Variants in CELF2 observed in about 807,000 individuals in gnomAD.
CELF2 encodes the protein CUGBP Elav-like family member 2, also known as CUG triplet repeat RNA-binding protein 2.
In CELF2, 8 loss-of-function variants were observed where a neutral mutation model predicts 62.6. The observed-to-expected ratio is 0.13, with a 90% confidence interval of 0.07 to 0.23. The LOEUF is 0.23. Ranked by LOEUF, CELF2 falls within the 10% of genes least tolerant of loss-of-function variation. CELF2 has a pLI of 1.00. For missense variants in CELF2, 333 were observed against 671.0 expected (o/e 0.50, Z 5.56); for synonymous variants, 258 against 250.0 (o/e 1.03, Z -0.30).
At chr10:10,653,572 A>C in the CELF2 span, among the ~76,000 whole-genome samples, 1 of 130,446 alleles carries the variant, frequency 7.7e-6, no homozygotes, top group East Asian at 2.0e-4. Context: ...CTCACTCAAA[A>C]CCGCTCAACT....
At position 11,165,107 on chromosome 10, in the gene CELF2, C is replaced by T. The variant is rs968950989; in HGVS notation, c.75-379C>T. Reference sequence around the variant, plus strand: ...GACATCTAGCTCTGCCTTTCTTTCCCAGCCACAGCCAGGGTAGGGCTGATA... The same window carrying T: ...GACATCTAGCTCTGCCTTTCTTTCCTAGCCACAGCCAGGGTAGGGCTGATA... On this transcript the variant is annotated intron_variant, in intron 1 of 12. Coordinates refer to ENST00000633077, the MANE Select transcript of CELF2 (RefSeq NM_001326342.2). This position sits in a 1 kb window ranked among gnomAD's most constrained non-coding sequence, Gnocchi z 7.4. The T allele has an allele frequency of 9.9e-7, 1 of 1,005,510 alleles. No individual in the cohort carries two copies. The highest frequency in any genetic ancestry group is 1.2e-6 in the Non-Finnish European group (1 of 842,358). 62.3% of individuals were successfully genotyped at this position (1,005,510 alleles called of 1,614,324 possible).
chr10:10,552,804 C>T, the CELF2 span, among the ~76,000 whole-genome samples: 1 of 152,176 alleles, frequency 6.6e-6, no homozygotes, highest in Non-Finnish European at 1.5e-5. Context: ...TTAACTTCGG[C>T]TGCTATAACA....
At chr10:10,476,173 T>G in the CELF2 span, among the ~76,000 whole-genome samples, 1 of 152,016 alleles carries the variant, frequency 6.6e-6, no homozygotes, top group East Asian at 1.9e-4. Context: ...CGTGTTTCAG[T>G]GTAATGCCAT....
intron 1 of CELF2, among the ~76,000 whole-genome samples, chr10:11,102,559 C>G (rs1234221329): frequency 1.3e-5 from 2 of 152,124 alleles, no homozygotes; most frequent in African/African-American, 4.8e-5. Context: ...TGTGATTTGT[C>G]CTTGAAACTC....
the CELF2 span, among the ~76,000 whole-genome samples, chr10:10,723,607 AT>A: frequency 3.9e-5 from 6 of 152,010 alleles, no homozygotes; most frequent in African/African-American, 1.4e-4. Context: ...ACAGTTCCTC[AT>A]TTTTTTTAAA....
intron 1 of CELF2, among the ~76,000 whole-genome samples, chr10:10,848,891 C>T (rs1383251926): frequency 1.3e-5 from 2 of 152,092 alleles, no homozygotes; most frequent in African/African-American, 2.4e-5. Context: ...GAAGGAACAC[C>T]TCCCTTCTAA....
intron 1 of CELF2, among the ~76,000 whole-genome samples, chr10:11,090,429 C>T (rs1311405374): frequency 3.3e-5 from 5 of 151,822 alleles, no homozygotes; most frequent in Admixed American, 6.6e-5. Context: ...TCTTTCCCTC[C>T]TCCCAATTAA....
chr10:11,064,883 A>G (rs1445666567), intron 1 of CELF2, among the ~76,000 whole-genome samples: 1 of 152,212 alleles, frequency 6.6e-6, no homozygotes, highest in Non-Finnish European at 1.5e-5. Flanking sequence ...GAATCATCTA[A>G]CATTAGACCA....
the CELF2 span, among the ~76,000 whole-genome samples, chr10:10,469,569 T>C: frequency 6.6e-6 from 1 of 151,896 alleles, no homozygotes; most frequent in Non-Finnish European, 1.5e-5. Flanking sequence ...TATTAAGAAT[T>C]TGGTGTCTTT....
chr10:10,481,539 C>G, the CELF2 span, among the ~76,000 whole-genome samples: 72 of 152,260 alleles, frequency 4.7e-4, no homozygotes, highest in South Asian at 0.013. Context: ...CTCCATTTCC[C>G]CCTTGAAGCT....
At chr10:10,958,098 G>A (rs75338435) in intron 2 of CELF2, among the ~76,000 whole-genome samples, 25 of 152,292 alleles carry the variant, frequency 1.6e-4, no homozygotes, top group Non-Finnish European at 2.6e-4. Context: ...GACTAAAAGC[G>A]TGTATTGGTC....
the CELF2 span, among the ~76,000 whole-genome samples, chr10:10,511,891 C>A: frequency 7.2e-5 from 11 of 152,176 alleles, no homozygotes; most frequent in African/African-American, 2.7e-4. Context: ...CATAGTCCCC[C>A]TTTTCAAATT....
At chr10:11,313,242 T>G (rs571097719) in intron 9 of CELF2, among the ~76,000 whole-genome samples, 1 of 152,314 alleles carries the variant, frequency 6.6e-6, no homozygotes, top group Non-Finnish European at 1.5e-5. Flanking sequence ...AATTTCCAAA[T>G]CTATGCAAGT....
chr10:11,154,208 G>T lies in CELF2; in HGVS notation c.75-11278G>T, dbSNP rs186729744. 5.3e-5 allele frequency among the ~76,000 whole-genome samples: 8 copies of T among 152,328 alleles called. No homozygotes were observed. The East Asian group carries it at 1.2e-3, about 22-fold the overall frequency. ...TTTGTTTAGGGGGTTATATCTGATG[G>T]TGTGTGTTTTAAGAAATAAGCAAAT... On this transcript the variant is annotated intron_variant, in intron 1 of 12. Coordinates refer to ENST00000633077, the MANE Select transcript of CELF2 (RefSeq NM_001326342.2).
intron 1 of CELF2, among the ~76,000 whole-genome samples, chr10:10,903,489 G>C (rs2063097709): frequency 6.6e-6 from 1 of 152,142 alleles, no homozygotes; most frequent in African/African-American, 2.4e-5. Context: ...AGATAAAGAA[G>C]AAATTGATCA....
At chr10:10,764,585 C>T in the CELF2 span, among the ~76,000 whole-genome samples, 1 of 152,188 alleles carries the variant, frequency 6.6e-6, no homozygotes, top group Non-Finnish European at 1.5e-5. Context: ...AGAGTAAGCT[C>T]CAAGGCACGT....
rs571336804 is a variant in CELF2 at position 11,146,825 on chromosome 10, A to G, written c.75-18661A>G. 3.3e-5 allele frequency among the ~76,000 whole-genome samples: 5 copies of G among 152,372 alleles called. No homozygotes were observed. In the East Asian group the frequency reaches 9.6e-4, roughly 29 times the overall value. On this transcript the variant is annotated intron_variant, in intron 1 of 12. Transcript: ENST00000633077. ...CACATCCCCAGGTGTGTTTATCCAC[A>G]TAGTGTTATCTTTGCCTGGACGTCC...
the CELF2 span, among the ~76,000 whole-genome samples, chr10:10,636,644 C>A: frequency 1.3e-5 from 2 of 152,128 alleles, 1 homozygote; most frequent in South Asian, 4.1e-4. Context: ...AGCAAGAATC[C>A]CTCCCATGGA....
At chr10:10,641,813 C>T in the CELF2 span, among the ~76,000 whole-genome samples, 1 of 152,308 alleles carries the variant, frequency 6.6e-6, no homozygotes, top group African/African-American at 2.4e-5. Context: ...TCTCATCTCA[C>T]ACCCCATCAT....
Sources: allele counts gnomAD v4.1 joint callset (sites outside exome capture counted in the v4.1 genomes callset), GRCh38; gene constraint gnomAD v4.1.1; non-coding constraint Gnocchi (gnomAD v3.1); transcripts MANE v1.5; gene names NCBI Gene and HGNC (gene_info 2026-07-23, HGNC 2026-07-21).